Variants in SUSD1 observed in about 807,000 individuals in gnomAD.
SUSD1 encodes the protein sushi domain containing 1.
SUSD1 carries 65 observed loss-of-function variants against 86.9 expected under a neutral mutation model. The observed-to-expected ratio is 0.75, with a 90% CI of 0.61 to 0.92. The LOEUF is 0.92. SUSD1 is among the 40% of genes least tolerant of loss of function. The pLI, the probability that SUSD1 is intolerant of heterozygous loss-of-function variation, is 0.00. For synonymous variants in SUSD1, 346 were observed against 350.0 expected (o/e 0.99, Z 0.13); for missense variants, 850 against 929.7 (o/e 0.91, Z 1.11).
chr9:112,123,808 A>G (rs897867385), intron 6 of SUSD1, among the ~76,000 whole-genome samples: 1 of 152,114 alleles, frequency 6.6e-6, no homozygotes, highest in Non-Finnish European at 1.5e-5. Flanking sequence ...ACTCCATCTC[A>G]AAAAAAGAAA....
intron 15 of SUSD1, 177 bp downstream of exon 15, chr9:112,052,222 A>C: frequency 6.5e-7 from 1 of 1,529,674 alleles, no homozygotes. Context: ...TAATTCCATA[A>C]GCTCCCATCC....
chr9:112,150,163 A>G (rs980467015), intron 2 of SUSD1, among the ~76,000 whole-genome samples: 38 of 152,348 alleles, frequency 2.5e-4, no homozygotes, highest in Admixed American at 5.2e-4. Flanking sequence ...GCAGCTGTAG[A>G]CAACAGGTAA....
At chr9:112,049,448 G>A (rs1235944826) in intron 15 of SUSD1, among the ~76,000 whole-genome samples, 3 of 152,220 alleles carry the variant, frequency 2.0e-5, no homozygotes, top group African/African-American at 7.2e-5. Flanking sequence ...ACACTTGGCT[G>A]ATTAGTAGCA....
intron 5 of SUSD1, among the ~76,000 whole-genome samples, chr9:112,141,143 T>G (rs1478246644): frequency 6.6e-6 from 1 of 152,196 alleles, no homozygotes; most frequent in Admixed American, 6.5e-5. Flanking sequence ...GTACATACAG[T>G]AATATACATA....
chr9:112,073,426 ATC>A (rs1181917045), intron 12 of SUSD1, among the ~76,000 whole-genome samples: 2 of 152,002 alleles, frequency 1.3e-5, no homozygotes, highest in African/African-American at 4.8e-5. Context: ...GGTCTGGTTT[ATC>A]TCCACATTTA....
intron 10 of SUSD1, among the ~76,000 whole-genome samples, chr9:112,095,191 A>C (rs1198015604): frequency 6.6e-6 from 1 of 152,222 alleles, no homozygotes; most frequent in Non-Finnish European, 1.5e-5. Flanking sequence ...ATTCCAAAGT[A>C]ATATGTGAGG....
intron 15 of SUSD1, among the ~76,000 whole-genome samples, chr9:112,051,593 G>A (rs1321350035): frequency 6.6e-6 from 1 of 151,420 alleles, no homozygotes; most frequent in Non-Finnish European, 1.5e-5. Context: ...CACCATGCCT[G>A]GCTAATTTTG....
chr9:112,104,437 C>T (rs1392535029), intron 8 of SUSD1, among the ~76,000 whole-genome samples: 1 of 151,892 alleles, frequency 6.6e-6, no homozygotes, highest in Non-Finnish European at 1.5e-5. Flanking sequence ...CTTCTTTAGC[C>T]CACTGTAGAT....
At chr9:112,154,937 A>C (rs1833227812) in intron 2 of SUSD1, among the ~76,000 whole-genome samples, 1 of 152,068 alleles carries the variant, frequency 6.6e-6, no homozygotes, top group Non-Finnish European at 1.5e-5. Context: ...GCCCATTAAG[A>C]GGAGTTTCTT....
intron 2 of SUSD1, among the ~76,000 whole-genome samples, chr9:112,150,421 C>A (rs772541525): frequency 1.3e-5 from 2 of 152,192 alleles, no homozygotes; most frequent in Non-Finnish European, 2.9e-5. Context: ...CACCAGTGGG[C>A]CCCTCATATC....
At chr9:112,052,638 G>A (rs1011565665) in intron 14 of SUSD1, among the ~76,000 whole-genome samples, 200 bp from the exon 15 acceptor site, 1 of 152,158 alleles carries the variant, frequency 6.6e-6, no homozygotes, top group African/African-American at 2.4e-5. Flanking sequence ...ATGGACAGAA[G>A]TGACCCTACA....
chr9:112,078,695 C>T lies in SUSD1; in HGVS notation c.1596G>A (p.Gln532=). Residue 532 remains glutamine (Q), a synonymous_variant, in exon 12 of 17, where the codon CAG becomes CAA. Coordinates refer to ENST00000374270, the MANE Select transcript of SUSD1 (RefSeq NM_022486.5). ...AGGTCATTTCCTGGGCAAATTCCTT[C>T]TGATACCATCTCTGGCCCCAAATGT... is the stretch of plus-strand genomic sequence containing the variant. The part of the protein sequence containing the change: ...LFHIWGQRWY[Q]KEFAQEMTFN... The T allele has an allele frequency of 6.2e-7, 1 of 1,613,478 alleles. No individual in the cohort carries two copies. Among genetic ancestry groups the T allele is most frequent in the South Asian group, 1.1e-5 (1 of 91,058 alleles).
At chr9:112,066,292 C>A (rs1828976159) in intron 12 of SUSD1, among the ~76,000 whole-genome samples, 1 of 152,064 alleles carries the variant, frequency 6.6e-6, no homozygotes, top group Admixed American at 6.6e-5. Context: ...CACCAAGGAT[C>A]TCTTAATTAG....
At chr9:112,052,503 T>C in intron 14 of SUSD1, 65 bp from the exon 15 acceptor site, 2 of 1,590,632 alleles carry the variant, frequency 1.3e-6, no homozygotes, top group East Asian at 2.2e-5. Context: ...AAATATAGTT[T>C]GGAGGCTGAA....
At position 112,041,043 on chromosome 9, in the gene SUSD1, C is replaced by T. The variant is rs1248009371; in HGVS notation, c.*449G>A. On this transcript the variant is annotated 3_prime_UTR_variant, in exon 17 of 17. Coordinates refer to ENST00000374270, the MANE Select transcript of SUSD1 (RefSeq NM_022486.5). ...GTCAAACTCTAGCCCAAACTTAAGC[C>T]CATCTCACTGCATATTGTAAAGAAT... The T allele has an allele frequency of 5.0e-6, 1 of 198,180 alleles. No individual in the cohort carries two copies. The highest frequency in any genetic ancestry group is 1.2e-4 in the East Asian group (1 of 8,318). 12.3% of individuals were successfully genotyped at this position (198,180 alleles called of 1,614,324 possible). A position where few individuals can be genotyped will look rare whatever the true frequency, so the allele number is the denominator to read the frequency against.
At chr9:112,042,081 C>T in intron 15 of SUSD1, 121 bp from the exon 16 acceptor site, 2 of 1,546,066 alleles carry the variant, frequency 1.3e-6, no homozygotes, top group Non-Finnish European at 1.7e-6. Flanking sequence ...AACAAAGAAT[C>T]CCAAGAATGC....
intron 10 of SUSD1, among the ~76,000 whole-genome samples, chr9:112,091,412 C>T (rs972581491): frequency 6.6e-6 from 1 of 152,170 alleles, no homozygotes; most frequent in African/African-American, 2.4e-5. Context: ...CAGCAGAAAG[C>T]CACCTTAAGA....
intron 12 of SUSD1, among the ~76,000 whole-genome samples, chr9:112,067,924 A>G (rs1476119550): frequency 1.3e-5 from 2 of 152,130 alleles, no homozygotes; most frequent in African/African-American, 4.8e-5. Context: ...TGGGGTAGAA[A>G]CCCTCAATCT....
At chr9:112,144,231 C>A (rs1361375212) in intron 3 of SUSD1, among the ~76,000 whole-genome samples, 1 of 151,254 alleles carries the variant, frequency 6.6e-6, no homozygotes, top group African/African-American at 2.4e-5. Flanking sequence ...AGAGCAAGAC[C>A]CCGTCTCAAA....
Sources: gnomAD v4.1 joint callset for allele counts (sites outside exome capture counted in the v4.1 genomes callset) on GRCh38, gnomAD v4.1.1 for gene constraint, MANE v1.5 for transcripts, NCBI Gene and HGNC (gene_info 2026-07-23, HGNC 2026-07-21) for gene names.